ERCC4: variants seen among roughly 807,000 people sequenced by gnomAD.
ERCC4 encodes ERCC excision repair 4, endonuclease catalytic subunit.
A neutral mutation model predicts 76.9 loss-of-function variants in ERCC4; 65 were observed. The observed-to-expected ratio is 0.84, with a 90% CI of 0.69 to 1.04. The LOEUF is 1.04. ERCC4 is among the 50% of genes least tolerant of loss of function. ERCC4 has a pLI of 0.00. For missense variants in ERCC4, 1,214 were observed against 1,128.2 expected (o/e 1.08, Z -1.09); for synonymous variants, 463 against 410.1 (o/e 1.13, Z -1.56).
In ERCC4 at chr16:13,947,941, A is replaced by G. The variant is rs1176371705; in HGVS notation, c.2345A>G (p.Asn782Ser). 3 of 1,614,088 alleles carry G rather than the reference A, an allele frequency of 1.9e-6. No homozygotes were observed. The highest frequency in any genetic ancestry group is 2.5e-6 in the Non-Finnish European group (3 of 1,180,028). Reference sequence around the variant, plus strand: ...GCCTTGTTTCAGGAGATCTCCAGCAATGACATTAGTTCCAAACTCACTCTT... The same window carrying G: ...GCCTTGTTTCAGGAGATCTCCAGCAGTGACATTAGTTCCAAACTCACTCTT... ...RGALFQEISSNDISSKLTLLT... is the reference protein window; with the variant it reads ...RGALFQEISSSDISSKLTLLT... The change falls in exon 11 of 11, where the codon AAT becomes AGT. Residue 782 changes from asparagine to serine, a missense_variant. Coordinates refer to ENST00000311895, the MANE Select transcript of ERCC4 (RefSeq NM_005236.3).
At position 13,926,644 on chromosome 16, in the gene ERCC4, C is replaced by T. The variant is rs746296279; in HGVS notation, c.472C>T (p.Arg158Cys). ...GCGCCTCTTTCGCCAGAAAAACAAACGTGGTTTTATTAAAGCTTTCACAGA... is the reference window on the plus strand; with the variant it reads ...GCGCCTCTTTCGCCAGAAAAACAAATGTGGTTTTATTAAAGCTTTCACAGA... ...ILRLFRQKNK[R>C]GFIKAFTDNA... The change falls in exon 3 of 11, where the codon CGT (arginine) becomes TGT (cysteine). Residue 158 changes from arginine to cysteine, a missense_variant. By Grantham distance (180) the Arg-to-Cys change is radical (BLOSUM62 -3). Coordinates refer to ENST00000311895, the MANE Select transcript of ERCC4 (RefSeq NM_005236.3). The T allele has an allele frequency of 9.9e-6, 16 of 1,613,902 alleles. No homozygotes were observed. Among genetic ancestry groups the T allele is most frequent in the Middle Eastern group, 1.6e-4 (1 of 6,084 alleles).
chr16:13,926,902 AAC>A, intron 3 of ERCC4, 146 bp downstream of exon 3: 1 of 676,926 alleles, frequency 1.5e-6, no homozygotes, highest in Non-Finnish European at 2.6e-6. Flanking sequence ...TTTTATAACA[AAC>A]ACATCCAGCT....
Position 13,950,397 on chromosome 16 carries a change from A to G in ERCC4, c.*2050A>G, listed in dbSNP as rs1032459578. On this transcript the variant is annotated 3_prime_UTR_variant, in exon 11 of 11. Transcript: ENST00000311895. ...CAGAATGAATTGAGGGGTATCAAGAACCAGATTGGTTACAGTAGAACTCTG... is the reference window on the plus strand; with the variant it reads ...CAGAATGAATTGAGGGGTATCAAGAGCCAGATTGGTTACAGTAGAACTCTG... 9.1e-5 allele frequency: 17 copies of G among 187,106 alleles called. No individual in the cohort carries two copies. Among genetic ancestry groups the G allele is most frequent in the African/African-American group, 3.7e-4 (16 of 42,824 alleles). The allele number at this position is 187,106 out of a possible 1,614,324, so 11.6% of individuals were successfully genotyped here. A position where few individuals can be genotyped will look rare whatever the true frequency, so the allele number is the denominator to read the frequency against.
At chr16:13,927,482 C>T (rs1471899762) in intron 3 of ERCC4, 1 of 156,548 alleles carries the variant, frequency 6.4e-6, no homozygotes, top group Non-Finnish European at 1.4e-5. Flanking sequence ...TCACTTGAAC[C>T]CAGGAGGCAG....
Position 13,935,241 on chromosome 16 carries a change from A to G in ERCC4, c.1309A>G (p.Arg437Gly). ...GAEAFLLRLY[R>G]KTFEKDSKAE... ...GGAGGCCTTCTTATTGAGGCTCTAC[A>G]GGAAAACCTTTGAGAAGGATAGCAA... Residue 437 changes from arginine to glycine, a missense_variant, in exon 8 of 11, where the codon AGG (arginine) becomes GGG (glycine). Coordinates refer to ENST00000311895, the MANE Select transcript of ERCC4 (RefSeq NM_005236.3). 2 of 1,614,132 alleles carry G rather than the reference A, an allele frequency of 1.2e-6. No individual in the cohort carries two copies. Among genetic ancestry groups the G allele is most frequent in the Non-Finnish European group, 1.7e-6 (2 of 1,180,004 alleles).
At chr16:13,928,745 A>C (rs1416410616) in intron 4 of ERCC4, among the ~76,000 whole-genome samples, 1 of 152,144 alleles carries the variant, frequency 6.6e-6, no homozygotes, top group African/African-American at 2.4e-5. Flanking sequence ...ATTATAGATT[A>C]ATATTGCAGA....
At position 13,944,718 on chromosome 16, in the gene ERCC4, C is replaced by T. The variant is rs2032482047; in HGVS notation, c.1905-5C>T. 6.3e-7 allele frequency: 1 copy of T among 1,599,514 alleles called. No homozygotes were observed. The highest frequency in any genetic ancestry group is 1.1e-5 in the South Asian group (1 of 90,790). On this transcript the variant is annotated splice_polypyrimidine_tract_variant and splice_region_variant and intron_variant, in intron 9 of 10. Transcript: ENST00000311895. ...CAGAAGTGTTGACAATGTTTTCTCC[C>T]ACAGGGAAAAAGCAAGCATGGTTGT... is the stretch of plus-strand genomic sequence containing the variant.
At chr16:13,927,730 G>A (rs1348695835) in intron 3 of ERCC4, 1 of 403,652 alleles carries the variant, frequency 2.5e-6, no homozygotes, top group East Asian at 5.3e-5. Flanking sequence ...CCAAAAACAA[G>A]TATAGACTGC....
In ERCC4 at chr16:13,949,022, G is replaced by T. The variant is rs1651203; in HGVS notation, c.*675G>T. On this transcript the variant is annotated 3_prime_UTR_variant, in exon 11 of 11. Transcript: ENST00000311895. ...CTGTCTGCTCTAAGGAAATTTCATGGAGCCTTCCTACTACTAATTCAAGAC... is the reference window on the plus strand; with the variant it reads ...CTGTCTGCTCTAAGGAAATTTCATGTAGCCTTCCTACTACTAATTCAAGAC... 3,573 of 232,866 alleles carry T rather than the reference G, an allele frequency of 0.015. 128 individuals carry two copies. The highest frequency in any genetic ancestry group is 0.072 in the African/African-American group (3,273 of 45,378). 14.4% of individuals were successfully genotyped at this position (232,866 alleles called of 1,614,324 possible).
rs2032236763 is a variant in ERCC4 at position 13,934,138 on chromosome 16, G to T, written c.1103-54G>T. On this transcript the variant is annotated intron_variant, in intron 6 of 10. Coordinates refer to ENST00000311895, the MANE Select transcript of ERCC4 (RefSeq NM_005236.3). ...TCTGTTGTTTTAAAAGCCTTTGGAA[G>T]ACTTTATGGGTAAATATTATCACAT... is the stretch of plus-strand genomic sequence containing the variant. 10 of 1,184,386 alleles carry T rather than the reference G, an allele frequency of 8.4e-6. No individual in the cohort carries two copies. The South Asian group carries it at 1.3e-4, about 15-fold the overall frequency. 73.4% of individuals were successfully genotyped at this position (1,184,386 alleles called of 1,614,324 possible).
Position 13,920,243 on chromosome 16 carries a change from G to A in ERCC4, c.78G>A (p.Leu26=), listed in dbSNP as rs772230343. 4 of 1,607,642 alleles carry A rather than the reference G, an allele frequency of 2.5e-6. No homozygotes were observed. The highest frequency in any genetic ancestry group is 3.4e-6 in the Non-Finnish European group (4 of 1,179,954). The part of the protein sequence containing the change: ...LEYERQLVLE[L]LDTDGLVVCA... ...ACGAGCGACAGCTGGTGCTGGAACT[G>A]CTCGACACTGACGGGCTAGTAGTGT... Residue 26 remains leucine (L), a synonymous_variant, in exon 1 of 11, where the codon CTG becomes CTA. Transcript: ENST00000311895.
rs777553142 is a variant in ERCC4, at chr16:13,935,638, T to C, written c.1706T>C (p.Val569Ala). The part of the protein sequence containing the change: ...GCSDPYALTR[V>A]LHEVEPRYVV... ...AGCGACCCCTATGCTCTGACAAGGG[T>C]ACTACATGAAGTGGAGCCAAGATAC... The change falls in exon 8 of 11, where the codon GTA becomes GCA. Residue 569 changes from valine (V) to alanine (A), a missense_variant. Val to Ala is a moderately conservative substitution (Grantham distance 64). Coordinates refer to ENST00000311895, the MANE Select transcript of ERCC4 (RefSeq NM_005236.3). The C allele has an allele frequency of 2.5e-6, 4 of 1,614,040 alleles. No individual in the cohort carries two copies. The highest frequency in any genetic ancestry group is 3.4e-6 in the Non-Finnish European group (4 of 1,179,974).
chr16:13,948,051 A>G lies in ERCC4; in HGVS notation c.2455A>G (p.Ser819Gly). The part of the protein sequence containing the change: ...TAELFEELKQ[S>G]KPQPDAATAL... The stretch of plus-strand genomic sequence containing the variant: ...GGAGTTGTTTGAGGAGCTGAAACAA[A>G]GCAAGCCACAGCCTGATGCGGCGAC... Residue 819 changes from serine to glycine, a missense_variant, in exon 11 of 11, where the codon AGC (serine) becomes GGC (glycine). Physicochemically the swap from Ser to Gly is moderately conservative, Grantham distance 56 (BLOSUM62 0). Transcript: ENST00000311895. 6.2e-6 allele frequency: 10 copies of G among 1,614,190 alleles called. No homozygotes were observed. Among genetic ancestry groups the G allele is most frequent in the Non-Finnish European group, 8.5e-6 (10 of 1,180,028 alleles).
chr16:13,948,539 T>C lies in ERCC4; in HGVS notation c.*192T>C, dbSNP rs536552167. ...GGCATCACTTGAACTTGCCTGTGCCTGCTCTTTTTCCTCCCTGCACCGTCT... is the reference window on the plus strand; with the variant it reads ...GGCATCACTTGAACTTGCCTGTGCCCGCTCTTTTTCCTCCCTGCACCGTCT... On this transcript the variant is annotated 3_prime_UTR_variant, in exon 11 of 11. Transcript: ENST00000311895. 42 of 652,274 alleles carry C rather than the reference T, an allele frequency of 6.4e-5. No individual in the cohort carries two copies. In the South Asian group the frequency reaches 7.5e-4, roughly 12 times the overall value. The allele number at this position is 652,274 out of a possible 1,614,324, so 40.4% of individuals were successfully genotyped here.
chr16:13,925,616 G>C (rs1028926398), intron 2 of ERCC4, among the ~76,000 whole-genome samples: 4 of 152,172 alleles, frequency 2.6e-5, no homozygotes, highest in Admixed American at 1.3e-4. Flanking sequence ...ATAAATCACT[G>C]TTAGTATTAT....
At chr16:13,939,236 A>G (rs899118853) in intron 9 of ERCC4, among the ~76,000 whole-genome samples, 27 of 152,148 alleles carry the variant, frequency 1.8e-4, no homozygotes, top group African/African-American at 6.5e-4. Context: ...ACAAGGCTCA[A>G]AGAGTAAACA....
In ERCC4 at chr16:13,928,077, G is replaced by A; in HGVS notation, c.634G>A (p.Val212Ile). The change falls in exon 4 of 11, where the codon GTA becomes ATA. Residue 212 changes from valine to isoleucine, a missense_variant. Coordinates refer to ENST00000311895, the MANE Select transcript of ERCC4 (RefSeq NM_005236.3). ...TTTAGAACAGCACAAACCTGAAGTT[G>A]TAGAAATCCATGTTTCTATGACACC... ...SFLEQHKPEV[V>I]EIHVSMTPTM... 1.2e-6 allele frequency: 2 copies of A among 1,613,704 alleles called. No individual in the cohort carries two copies. Among genetic ancestry groups the A allele is most frequent in the South Asian group, 2.2e-5 (2 of 91,080 alleles).
intron 8 of ERCC4, among the ~76,000 whole-genome samples, chr16:13,936,819 TTGAC>T (rs2032305961): frequency 6.6e-6 from 1 of 151,758 alleles, no homozygotes; most frequent in Non-Finnish European, 1.5e-5. Context: ...GAAAATAGCT[TTGAC>T]TGAAGGTGAA....
intron 8 of ERCC4, among the ~76,000 whole-genome samples, chr16:13,936,652 C>A (rs1341953162): frequency 6.6e-6 from 1 of 152,226 alleles, no homozygotes; most frequent in Non-Finnish European, 1.5e-5. Flanking sequence ...GAAACTGAGG[C>A]CCAGAAATGG....
Sources: gnomAD v4.1 joint callset for allele counts (sites outside exome capture counted in the v4.1 genomes callset) on GRCh38, gnomAD v4.1.1 for gene constraint, MANE v1.5 for transcripts, NCBI Gene and HGNC (gene_info 2026-07-23, HGNC 2026-07-21) for gene names.